The following GLDC variants were observed in gnomAD, a reference collection of about 807,000 sequenced individuals.
GLDC encodes the protein glycine decarboxylase.
Under a neutral mutation model 121.3 loss-of-function variants are expected in GLDC, and 104 were observed. That is an observed-to-expected ratio of 0.86 (90% confidence interval 0.73 to 1.01). The LOEUF is 1.01. Ranked by LOEUF, GLDC falls within the 50% of genes least tolerant of loss-of-function variation. The pLI, the probability that GLDC is intolerant of heterozygous loss-of-function variation, is 0.00. For missense variants in GLDC, 1,429 were observed against 1,306.6 expected (o/e 1.09, Z -1.44); for synonymous variants, 546 against 480.6 (o/e 1.14, Z -1.78).
intron 23 of GLDC, chr9:6,535,847 G>A (rs1563827365): frequency 1.7e-6 from 1 of 588,248 alleles, no homozygotes; most frequent in Non-Finnish European, 3.1e-6. Context: ...CTAGACAGCT[G>A]TGGACAGCTT....
At chr9:6,638,860 C>G (rs2578290) in intron 2 of GLDC, among the ~76,000 whole-genome samples, 4 of 151,638 alleles carry the variant, frequency 2.6e-5, no homozygotes, top group Admixed American at 2.6e-4. Flanking sequence ...AATATAAAAA[C>G]TAGCTGGGCA....
chr9:6,591,393 T>C (rs997158119), intron 11 of GLDC, among the ~76,000 whole-genome samples: 3 of 152,156 alleles, frequency 2.0e-5, no homozygotes, highest in African/African-American at 7.2e-5. Context: ...TTTATCTGAA[T>C]CCCTAATAAA....
chr9:6,538,105 A>G (rs1466693936), intron 22 of GLDC, among the ~76,000 whole-genome samples: 1 of 149,810 alleles, frequency 6.7e-6, no homozygotes, highest in Non-Finnish European at 1.5e-5. Context: ...CTCAAACCAG[A>G]CAGGGATTTT....
intron 3 of GLDC, among the ~76,000 whole-genome samples, chr9:6,612,205 AC>A (rs1818871746): frequency 2.6e-5 from 4 of 151,166 alleles, no homozygotes; most frequent in African/African-American, 9.8e-5. Context: ...TCACACACAC[AC>A]ACAAACACAC....
chr9:6,579,928 C>A (rs1818142952), intron 15 of GLDC, among the ~76,000 whole-genome samples: 1 of 152,184 alleles, frequency 6.6e-6, no homozygotes, highest in South Asian at 2.1e-4. Flanking sequence ...CAGGTTGCTG[C>A]AACATCTTCA....
intron 8 of GLDC, among the ~76,000 whole-genome samples, chr9:6,599,973 T>C (rs1233615164): frequency 1.3e-5 from 2 of 152,124 alleles, no homozygotes; most frequent in African/African-American, 4.8e-5. Context: ...GGAGAAGCTT[T>C]TCAGAGGTGG....
At chr9:6,581,559 A>G (rs1045951807) in intron 15 of GLDC, among the ~76,000 whole-genome samples, 1 of 152,242 alleles carries the variant, frequency 6.6e-6, no homozygotes, top group Non-Finnish European at 1.5e-5. Flanking sequence ...TCAATAACAT[A>G]GCATTTCCAG....
At chr9:6,612,413 AAAG>A (rs1460694016) in intron 3 of GLDC, among the ~76,000 whole-genome samples, 39 of 152,246 alleles carry the variant, frequency 2.6e-4, no homozygotes, top group African/African-American at 8.7e-4. Context: ...AGCTTTCAAA[AAAG>A]AAAGAAAGAA....
intron 2 of GLDC, among the ~76,000 whole-genome samples, chr9:6,623,339 CAT>C (rs1460826728): frequency 7.1e-6 from 1 of 141,718 alleles, no homozygotes; most frequent in Non-Finnish European, 1.5e-5. Context: ...CTCTCTGAAA[CAT>C]GTGCTGTGTC....
intron 5 of GLDC, among the ~76,000 whole-genome samples, chr9:6,606,316 A>G (rs1818731710): frequency 6.8e-6 from 1 of 147,868 alleles, no homozygotes; most frequent in Admixed American, 6.9e-5. Context: ...TCTCAAAAAA[A>G]AAAAAAAAAA....
intron 2 of GLDC, among the ~76,000 whole-genome samples, chr9:6,635,528 A>C (rs1819483820): frequency 6.6e-6 from 1 of 152,148 alleles, no homozygotes; most frequent in African/African-American, 2.4e-5. Context: ...TTATAGTCAT[A>C]CCGCTGCACT....
chr9:6,583,242 GGA>G (rs1462259257), intron 15 of GLDC, among the ~76,000 whole-genome samples: 3 of 151,842 alleles, frequency 2.0e-5, no homozygotes, highest in Non-Finnish European at 4.4e-5. Flanking sequence ...CTGAAAGCAG[GGA>G]CTCAACTAGA....
In GLDC at chr9:6,616,833, G is replaced by A. The variant is rs192257272; in HGVS notation, c.470+3351C>T. ...ATTAGTGTTCTCTATCATTTTGGCT[G>A]TGACTTTCTTTTGGAATTGGGAAAG... On this transcript the variant is annotated intron_variant, in intron 3 of 24. Transcript: ENST00000321612. Among the ~76,000 whole-genome samples, 665 of 152,302 alleles carry A rather than the reference G, an allele frequency of 4.4e-3. 6 individuals carry two copies. Among genetic ancestry groups the A allele is most frequent in the African/African-American group, 0.015 (631 of 41,564 alleles).
intron 3 of GLDC, among the ~76,000 whole-genome samples, chr9:6,617,847 C>T (rs1046058991): frequency 3.3e-5 from 5 of 152,208 alleles, no homozygotes; most frequent in African/African-American, 4.8e-5. Context: ...TGATTGGGAG[C>T]ATGTACTTGG....
intron 2 of GLDC, among the ~76,000 whole-genome samples, chr9:6,621,112 G>C (rs1471591340): frequency 6.6e-6 from 1 of 152,228 alleles, no homozygotes; most frequent in Admixed American, 6.5e-5. Context: ...AGAGATTGTA[G>C]TGAGCTAAGA....
intron 22 of GLDC, 62 bp downstream of exon 22, chr9:6,539,989 G>A: frequency 9.7e-7 from 1 of 1,035,690 alleles, no homozygotes; most frequent in Non-Finnish European, 1.5e-6. Flanking sequence ...TTTTCCATTT[G>A]TGCTTTAGGA....
Position 6,628,516 on chromosome 9 carries a change from G to C in GLDC, c.335-8197C>G, listed in dbSNP as rs368309243. Among the ~76,000 whole-genome samples, 10 of 152,322 alleles carry C rather than the reference G, an allele frequency of 6.6e-5. No homozygotes were observed. In the East Asian group the frequency reaches 1.2e-3, roughly 18 times the overall value. ...ATTAAGAAACGCTTGAAGGCTGGGGGCAGTGGCTCACGCCTGTTAATCCCA... is the reference window on the plus strand; with the variant it reads ...ATTAAGAAACGCTTGAAGGCTGGGGCCAGTGGCTCACGCCTGTTAATCCCA... On this transcript the variant is annotated intron_variant, in intron 2 of 24. Coordinates refer to ENST00000321612, the MANE Select transcript of GLDC (RefSeq NM_000170.3).
At chr9:6,644,714 G>A (rs1243023459) in intron 1 of GLDC, 22 bp from the exon 2 acceptor site, 3 of 1,540,114 alleles carry the variant, frequency 1.9e-6, no homozygotes, top group African/African-American at 2.7e-5. Flanking sequence ...ACGCAAGGCA[G>A]AGGAAAGTGC....
chr9:6,592,130 T>A lies in GLDC; in HGVS notation c.1482+13A>T. 6.5e-7 allele frequency: 1 copy of A among 1,527,162 alleles called. No homozygotes were observed. Among genetic ancestry groups the A allele is most frequent in the Non-Finnish European group, 9.1e-7 (1 of 1,100,738 alleles). 94.6% of individuals were successfully genotyped at this position (1,527,162 alleles called of 1,614,324 possible). Reference sequence around the variant, plus strand: ...TAGTTATGATGAGGAACGCATGTTTTTATTTTACTTACTGCAGATGACTCA... The same window carrying A: ...TAGTTATGATGAGGAACGCATGTTTATATTTTACTTACTGCAGATGACTCA... On this transcript the variant is annotated intron_variant, in intron 11 of 24. Coordinates refer to ENST00000321612, the MANE Select transcript of GLDC (RefSeq NM_000170.3).
Sources: gnomAD v4.1 joint callset for allele counts (sites outside exome capture counted in the v4.1 genomes callset) on GRCh38, gnomAD v4.1.1 for gene constraint, MANE v1.5 for transcripts, NCBI Gene and HGNC (gene_info 2026-07-23, HGNC 2026-07-21) for gene names.